FLT1: variants seen among roughly 807,000 people sequenced by gnomAD.
The protein encoded by FLT1 is fms related receptor tyrosine kinase 1, also known as vascular endothelial growth factor receptor 1.
FLT1 carries 49 observed loss-of-function variants against 156.3 expected under a neutral mutation model. The observed-to-expected ratio is 0.31, with a 90% CI of 0.25 to 0.40. The LOEUF is 0.40. FLT1 is among the 10% of genes least tolerant of loss of function. FLT1 has a pLI of 1.00. For synonymous variants in FLT1, 594 were observed against 583.8 expected, an observed-to-expected ratio of 1.02 and a Z score of -0.25; for missense variants, 1,322 against 1,637.2, an observed-to-expected ratio of 0.81 and a Z score of 3.32.
Position 28,303,040 on chromosome 13 carries a change from CAAA to C in FLT1, c.*124_*126del. ...AAAAAAAGCACTATTAAAAAAATCA[CAAA>C]AAGCAGCTGGCTCCCATGGAAAGAT... On this transcript the variant is annotated 3_prime_UTR_variant, in exon 30 of 30. Coordinates refer to ENST00000282397, the MANE Select transcript of FLT1 (RefSeq NM_002019.4). 1.3e-6 allele frequency: 1 copy of C among 789,120 alleles called. No individual in the cohort carries two copies. The highest frequency in any genetic ancestry group is 2.0e-6 in the Non-Finnish European group (1 of 505,570). 48.9% of individuals were successfully genotyped at this position (789,120 alleles called of 1,614,324 possible).
intron 15 of FLT1, among the ~76,000 whole-genome samples, chr13:28,346,449 G>A (rs922220016): frequency 6.6e-6 from 1 of 152,090 alleles, no homozygotes; most frequent in African/African-American, 2.4e-5. Flanking sequence ...GCTGGGCATG[G>A]TGGCTCGCAT....
At chr13:28,493,971 T>C (rs1463443908) in intron 1 of FLT1, among the ~76,000 whole-genome samples, 1 of 152,240 alleles carries the variant, frequency 6.6e-6, no homozygotes, top group African/African-American at 2.4e-5. Context: ...TTAACGGTAT[T>C]TGGGCCCTGG....
chr13:28,423,163 T>A (rs972159997), intron 10 of FLT1, among the ~76,000 whole-genome samples: 13 of 151,722 alleles, frequency 8.6e-5, no homozygotes, highest in African/African-American at 3.2e-4. Context: ...AGGCATCAGC[T>A]CCCCCACATG....
In FLT1 at chr13:28,339,279, C is replaced by A; in HGVS notation, c.2377G>T (p.Asp793Tyr). The change falls in exon 17 of 30, where the codon GAC becomes TAC. Residue 793 changes from aspartate (D) to tyrosine (Y), a missense_variant. Physicochemically the swap from Asp to Tyr is radical, Grantham distance 160 (BLOSUM62 -3). Transcript: ENST00000282397. ...GGGTCCATTATAATTGATAGGTAGTCAGTCTTTATTTCAGAAGAAGACTGA... is the reference window on the plus strand; with the variant it reads ...GGGTCCATTATAATTGATAGGTAGTAAGTCTTTATTTCAGAAGAAGACTGA... Reference protein sequence around the residue: ...MKRSSSEIKTDYLSIIMDPDE... With the variant: ...MKRSSSEIKTYYLSIIMDPDE... The A allele has an allele frequency of 1.2e-6, 2 of 1,613,364 alleles. No individual in the cohort carries two copies. Among genetic ancestry groups the A allele is most frequent in the Non-Finnish European group, 1.7e-6 (2 of 1,179,412 alleles).
intron 1 of FLT1, among the ~76,000 whole-genome samples, chr13:28,469,668 G>C (rs571372884): frequency 6.6e-6 from 1 of 152,300 alleles, no homozygotes; most frequent in South Asian, 2.1e-4. Flanking sequence ...AGAATATTTT[G>C]CTGGGTATAT....
intron 1 of FLT1, among the ~76,000 whole-genome samples, chr13:28,476,898 T>C (rs1880581491): frequency 6.7e-6 from 1 of 149,540 alleles, no homozygotes; most frequent in Admixed American, 6.6e-5. Flanking sequence ...AACTCATAGA[T>C]AGGTTTTGTA....
chr13:28,340,570 T>C (rs1031575744), intron 16 of FLT1, among the ~76,000 whole-genome samples: 6 of 152,238 alleles, frequency 3.9e-5, no homozygotes, highest in Admixed American at 2.0e-4. Flanking sequence ...AGAAGTTATG[T>C]AAACTTCATT....
intron 1 of FLT1, among the ~76,000 whole-genome samples, chr13:28,482,058 G>A (rs1376162014): frequency 1.3e-5 from 2 of 152,190 alleles, no homozygotes; most frequent in Non-Finnish European, 2.9e-5. Context: ...AACTCAGCTT[G>A]GAAATAGGGC....
At chr13:28,380,791 G>A (rs1874046713) in intron 14 of FLT1, among the ~76,000 whole-genome samples, 1 of 152,100 alleles carries the variant, frequency 6.6e-6, no homozygotes. Context: ...CAACTCACTG[G>A]ACAATTTCTG....
chr13:28,325,340 A>G (rs1277356313), intron 20 of FLT1, among the ~76,000 whole-genome samples: 1 of 152,064 alleles, frequency 6.6e-6, no homozygotes, highest in African/African-American at 2.4e-5. Flanking sequence ...TTTTCACCTC[A>G]TTTAGTGTGG....
chr13:28,465,981 G>A (rs979029576), intron 3 of FLT1, among the ~76,000 whole-genome samples: 1 of 152,154 alleles, frequency 6.6e-6, no homozygotes, highest in African/African-American at 2.4e-5. Context: ...CTGATGGTTG[G>A]TTGTTTTCTT....
intron 1 of FLT1, among the ~76,000 whole-genome samples, chr13:28,481,897 CT>C (rs1880874539): frequency 6.6e-6 from 1 of 152,176 alleles, no homozygotes; most frequent in African/African-American, 2.4e-5. Context: ...AATAAGAACA[CT>C]TATTCAATGA....
chr13:28,492,015 T>C (rs11618340), intron 1 of FLT1, among the ~76,000 whole-genome samples: 10,247 of 152,254 alleles, frequency 0.067, 592 homozygotes, highest in Admixed American at 0.18. Flanking sequence ...GATGCTTCAG[T>C]TGGAAAACTG....
intron 15 of FLT1, among the ~76,000 whole-genome samples, chr13:28,353,301 G>C (rs1049316011): frequency 6.6e-6 from 1 of 152,052 alleles, no homozygotes; most frequent in Admixed American, 6.5e-5. Flanking sequence ...GGCTGGGCGC[G>C]GTGGCTCATG....
In FLT1 at chr13:28,398,918, G is replaced by C. The variant is rs1729135134; in HGVS notation, c.1552-1850C>G. The C allele has an allele frequency of 2.2e-5, 15 of 686,724 alleles. No individual in the cohort carries two copies. The South Asian group carries it at 2.6e-4, about 12-fold the overall frequency. 42.5% of individuals were successfully genotyped at this position (686,724 alleles called of 1,614,324 possible). A position where few individuals can be genotyped will look rare whatever the true frequency, so the allele number is the denominator to read the frequency against. Reference sequence around the variant, plus strand: ...GCATATGAAGGCAAATAATCCATGGGAAAGTGTACGAAAGAGAGCTCAGGT... The same window carrying C: ...GCATATGAAGGCAAATAATCCATGGCAAAGTGTACGAAAGAGAGCTCAGGT... On this transcript the variant is annotated intron_variant, in intron 11 of 29. Transcript: ENST00000282397.
intron 15 of FLT1, among the ~76,000 whole-genome samples, chr13:28,350,791 G>A (rs1057024789): frequency 6.6e-6 from 1 of 152,118 alleles, no homozygotes; most frequent in Non-Finnish European, 1.5e-5. Flanking sequence ...CTTACAAAGT[G>A]GAGATAACAG....
chr13:28,323,929 A>G (rs1359353834), intron 20 of FLT1, among the ~76,000 whole-genome samples: 2 of 152,176 alleles, frequency 1.3e-5, no homozygotes, highest in Admixed American at 6.5e-5. Context: ...TGATCCTAAC[A>G]AGGGTAGCAA....
chr13:28,394,015 G>A (rs1213970336), intron 12 of FLT1, among the ~76,000 whole-genome samples: 2 of 152,124 alleles, frequency 1.3e-5, no homozygotes, highest in Non-Finnish European at 2.9e-5. Context: ...ACTGAGTCAA[G>A]TATAAACACT....
rs542885036 is a variant in FLT1, at chr13:28,322,996, A to G, written c.2797-50T>C. 6.2e-7 allele frequency: 1 copy of G among 1,600,164 alleles called. No homozygotes were observed. Among genetic ancestry groups the G allele is most frequent in the Non-Finnish European group, 8.6e-7 (1 of 1,167,452 alleles). On this transcript the variant is annotated intron_variant, in intron 20 of 29. Coordinates refer to ENST00000282397, the MANE Select transcript of FLT1 (RefSeq NM_002019.4). This position sits in a 1 kb window ranked among gnomAD's most constrained non-coding sequence, Gnocchi z 4.3. The stretch of plus-strand genomic sequence containing the variant: ...AGGTGAAAAGGAGCTCCAGCACAGC[A>G]GTGGGAAACCAGTCCCTCAACTGGC...
Sources: allele counts gnomAD v4.1 joint callset (sites outside exome capture counted in the v4.1 genomes callset), GRCh38; gene constraint gnomAD v4.1.1; non-coding constraint Gnocchi (gnomAD v3.1); transcripts MANE v1.5; gene names NCBI Gene and HGNC (gene_info 2026-07-23, HGNC 2026-07-21).